The following KIAA1217 variants were observed in gnomAD, a reference collection of about 807,000 sequenced individuals.
KIAA1217 encodes the protein sickle tail protein homolog.
KIAA1217 carries 88 observed loss-of-function variants against 163.9 expected under a neutral mutation model. The observed-to-expected ratio is 0.54, with a 90% CI of 0.45 to 0.64. The LOEUF (loss-of-function observed/expected upper bound fraction) is 0.64, where lower values mean the gene tolerates loss of function less well. Ranked by LOEUF, KIAA1217 falls within the 30% of genes least tolerant of loss-of-function variation. KIAA1217 has a pLI of 0.00. For missense variants in KIAA1217, 2,372 were observed against 2,475.0 expected (o/e 0.96, Z 0.88); for synonymous variants, 903 against 923.1 (o/e 0.98, Z 0.39).
chr10:24,310,799 C>G (rs563612501), intron 2 of KIAA1217, among the ~76,000 whole-genome samples: 1 of 152,220 alleles, frequency 6.6e-6, no homozygotes, highest in South Asian at 2.1e-4. Context: ...GAGTTGGAGA[C>G]CAGCCTGGGC....
intron 2 of KIAA1217, among the ~76,000 whole-genome samples, chr10:24,332,951 A>T (rs11813505): frequency 0.38 from 58,020 of 151,976 alleles, 13,255 homozygotes; most frequent in Middle Eastern, 0.56. Context: ...ATTTAGAGGC[A>T]CAGTCAGAAA....
intron 2 of KIAA1217, among the ~76,000 whole-genome samples, chr10:24,343,733 A>G (rs1046247045): frequency 6.6e-6 from 1 of 152,182 alleles, no homozygotes; most frequent in African/African-American, 2.4e-5. Flanking sequence ...TTACGTTGTA[A>G]TATTTGATCC....
At chr10:24,371,415 A>C (rs1395930722) in intron 2 of KIAA1217, among the ~76,000 whole-genome samples, 4 of 152,246 alleles carry the variant, frequency 2.6e-5, no homozygotes. Flanking sequence ...AAATTTACCT[A>C]GAATCAAATT....
intron 1 of KIAA1217, among the ~76,000 whole-genome samples, chr10:23,842,547 C>T (rs888331130): frequency 6.6e-6 from 1 of 151,978 alleles, no homozygotes; most frequent in African/African-American, 2.4e-5. Flanking sequence ...AATAATTTGC[C>T]CTCCATCACT....
intron 2 of KIAA1217, among the ~76,000 whole-genome samples, chr10:24,088,744 G>T (rs55646383): frequency 8.1e-6 from 1 of 123,686 alleles, no homozygotes; most frequent in South Asian, 2.7e-4. Flanking sequence ...TGAATAGTCC[G>T]CATTAAACAT....
intron 1 of KIAA1217, among the ~76,000 whole-genome samples, chr10:23,743,876 T>C (rs1839256456): frequency 6.7e-6 from 1 of 148,446 alleles, no homozygotes; most frequent in African/African-American, 2.6e-5. Flanking sequence ...GACCATGTTT[T>C]TGCGTGTTGT....
chr10:23,897,629 G>A (rs1318987228), intron 1 of KIAA1217, among the ~76,000 whole-genome samples: 2 of 152,010 alleles, frequency 1.3e-5, no homozygotes, highest in East Asian at 3.9e-4. Context: ...AGGCCCCTGG[G>A]AGCTACACGG....
intron 3 of KIAA1217, among the ~76,000 whole-genome samples, chr10:24,413,925 T>G (rs954336208): frequency 1.3e-5 from 2 of 152,240 alleles, no homozygotes; most frequent in African/African-American, 4.8e-5. Context: ...GTTTAGTGTC[T>G]ATCTACATCA....
At chr10:23,702,533 G>A (rs985364606) in intron 1 of KIAA1217, among the ~76,000 whole-genome samples, 3 of 151,958 alleles carry the variant, frequency 2.0e-5, no homozygotes, top group African/African-American at 7.3e-5. Context: ...TTTCATATGG[G>A]AAAATGAGTC....
chr10:23,730,870 G>A (rs185144043), intron 1 of KIAA1217, among the ~76,000 whole-genome samples: 15 of 152,242 alleles, frequency 9.9e-5, no homozygotes, highest in African/African-American at 3.1e-4. Flanking sequence ...ATAATTGCTT[G>A]TTAGTTTCAG....
intron 1 of KIAA1217, among the ~76,000 whole-genome samples, chr10:23,907,724 A>G (rs749897633): frequency 2.6e-5 from 4 of 152,118 alleles, no homozygotes; most frequent in Non-Finnish European, 5.9e-5. Context: ...TCAAACGTCA[A>G]TGTCTTCTGA....
chr10:24,192,195 A>T (rs2066753969), intron 2 of KIAA1217, among the ~76,000 whole-genome samples: 1 of 152,012 alleles, frequency 6.6e-6, no homozygotes. Flanking sequence ...CAGAAGTATG[A>T]TTAGAAGATA....
chr10:24,522,961 C>T (rs2071515995), intron 12 of KIAA1217, among the ~76,000 whole-genome samples: 1 of 152,060 alleles, frequency 6.6e-6, no homozygotes, highest in Non-Finnish European at 1.5e-5. Context: ...GGAGACAGAG[C>T]ATGAAGTCAG....
chr10:24,434,290 C>T (rs576255340), intron 4 of KIAA1217, among the ~76,000 whole-genome samples: 12 of 152,102 alleles, frequency 7.9e-5, no homozygotes, highest in Middle Eastern at 3.4e-3. Context: ...CTACCTGCCT[C>T]GGCCTCCCAA....
intron 2 of KIAA1217, among the ~76,000 whole-genome samples, chr10:24,127,902 T>C (rs958542384): frequency 2.0e-5 from 3 of 152,326 alleles, no homozygotes; most frequent in African/African-American, 7.2e-5. Flanking sequence ...AGCAACATGT[T>C]AGTAATAAGT....
chr10:23,809,905 A>C (rs1203644354), intron 1 of KIAA1217, among the ~76,000 whole-genome samples: 2 of 152,050 alleles, frequency 1.3e-5, no homozygotes, highest in Non-Finnish European at 2.9e-5. Context: ...GTGCAAAAGC[A>C]ATAAACATTC....
At chr10:24,281,384 T>C (rs2077906816) in intron 2 of KIAA1217, among the ~76,000 whole-genome samples, 1 of 152,198 alleles carries the variant, frequency 6.6e-6, no homozygotes. Context: ...TCAATTAGGG[T>C]ACAGTGTGTT....
intron 2 of KIAA1217, among the ~76,000 whole-genome samples, chr10:24,045,660 G>C (rs117357808): frequency 0.03 from 4,574 of 151,892 alleles, 113 homozygotes; most frequent in Middle Eastern, 0.061. Context: ...TGATTATTTG[G>C]GGACCAAAAC....
intron 2 of KIAA1217, among the ~76,000 whole-genome samples, chr10:24,048,663 G>A (rs1447098820): frequency 6.6e-6 from 1 of 151,360 alleles, no homozygotes; most frequent in East Asian, 1.9e-4. Flanking sequence ...CTGGGAGGCA[G>A]AGGTTGCAGT....
Sources: gnomAD v4.1 joint callset for allele counts (sites outside exome capture counted in the v4.1 genomes callset) on GRCh38, gnomAD v4.1.1 for gene constraint, MANE v1.5 for transcripts, NCBI Gene and HGNC (gene_info 2026-07-23, HGNC 2026-07-21) for gene names.